TXNDC16: variants seen among roughly 807,000 people sequenced by gnomAD.
The protein encoded by TXNDC16 is thioredoxin domain-containing protein 16.
A neutral mutation model predicts 85.6 loss-of-function variants in TXNDC16; 74 were observed. The ratio of observed to expected loss-of-function variants is 0.86; its 90% CI spans 0.72 to 1.05. The LOEUF (loss-of-function observed/expected upper bound fraction) is 1.05, where lower values mean the gene tolerates loss of function less well. Among genes scored for constraint, TXNDC16 ranks in the 50% least tolerant of loss-of-function variants. The pLI is 0.00. For synonymous variants in TXNDC16, 335 were observed against 326.5 expected (o/e 1.03, Z -0.28); for missense variants, 959 against 947.0 (o/e 1.01, Z -0.17).
intron 6 of TXNDC16, among the ~76,000 whole-genome samples, chr14:52,520,260 C>T (rs946029484): frequency 1.3e-5 from 2 of 152,148 alleles, no homozygotes; most frequent in Non-Finnish European, 2.9e-5. Flanking sequence ...ATAATTCTTC[C>T]GAATCATCCT....
intron 16 of TXNDC16, among the ~76,000 whole-genome samples, chr14:52,466,254 A>T (rs1169196668): frequency 6.6e-6 from 1 of 151,708 alleles, no homozygotes; most frequent in African/African-American, 2.4e-5. Context: ...GTAGCCAGGC[A>T]TGGTGGCACA....
chr14:52,551,336 G>A (rs10143420), intron 1 of TXNDC16, among the ~76,000 whole-genome samples: 20,464 of 151,458 alleles, frequency 0.14, 1,459 homozygotes, highest in Non-Finnish European at 0.15. Flanking sequence ...AATCAGCCGG[G>A]CATGGTGGCT....
intron 9 of TXNDC16, among the ~76,000 whole-genome samples, chr14:52,504,531 G>C (rs1594737648): frequency 6.6e-6 from 1 of 152,136 alleles, no homozygotes; most frequent in South Asian, 2.1e-4. Context: ...GAGAGATTTT[G>C]TCACCACCAG....
intron 14 of TXNDC16, among the ~76,000 whole-genome samples, chr14:52,471,520 G>T (rs1269163521): frequency 2.0e-5 from 3 of 152,086 alleles, no homozygotes; most frequent in Non-Finnish European, 4.4e-5. Context: ...ATCTACATCA[G>T]GTTCCCTTGA....
chr14:52,492,162 C>T (rs1003420884), intron 9 of TXNDC16, among the ~76,000 whole-genome samples: 4 of 152,172 alleles, frequency 2.6e-5, no homozygotes, highest in Non-Finnish European at 5.9e-5. Context: ...ACAGTGTGGA[C>T]ACCATGCCGA....
chr14:52,461,205 T>C (rs2035645005), intron 16 of TXNDC16, among the ~76,000 whole-genome samples: 2 of 151,836 alleles, frequency 1.3e-5, no homozygotes, highest in African/African-American at 4.8e-5. Flanking sequence ...GTTTTAATTA[T>C]ATTATGTTAG....
At chr14:52,538,340 C>T (rs183267921) in intron 4 of TXNDC16, among the ~76,000 whole-genome samples, 1 of 152,202 alleles carries the variant, frequency 6.6e-6, no homozygotes, top group East Asian at 1.9e-4. Flanking sequence ...AAAGAATGAA[C>T]TAAGTCAATG....
intron 11 of TXNDC16, among the ~76,000 whole-genome samples, chr14:52,489,482 A>AT (rs1396390032): frequency 1.3e-5 from 2 of 152,102 alleles, no homozygotes; most frequent in Non-Finnish European, 2.9e-5. Flanking sequence ...ACATATCTTC[A>AT]TTTTTTTAAC....
Position 52,543,598 on chromosome 14 carries a change from T to C in TXNDC16, c.-41A>G. On this transcript the variant is annotated 5_prime_UTR_variant, in exon 3 of 21. Coordinates refer to ENST00000281741, the MANE Select transcript of TXNDC16 (RefSeq NM_020784.3). Reference sequence around the variant, plus strand: ...TATCTGAGCGGATTTTGTCTGTTTTTTCACTGCTGTGTTCTGTTTCCTAAG... The same window carrying C: ...TATCTGAGCGGATTTTGTCTGTTTTCTCACTGCTGTGTTCTGTTTCCTAAG... The C allele has an allele frequency of 1.9e-6, 3 of 1,608,790 alleles. No individual in the cohort carries two copies. Among genetic ancestry groups the C allele is most frequent in the Non-Finnish European group, 2.5e-6 (3 of 1,177,600 alleles).
Position 52,455,361 on chromosome 14 carries a change from A to C in TXNDC16, c.1805T>G (p.Ile602Arg). The C allele has an allele frequency of 6.2e-7, 1 of 1,613,924 alleles. No individual in the cohort carries two copies. The highest frequency in any genetic ancestry group is 1.1e-5 in the South Asian group (1 of 91,044). Reference sequence around the variant, plus strand: ...TAGTGCATCTGTTATTATTTGAACTATGTCTTGTGCATGTGTGCTAGCTAG... The same window carrying C: ...TAGTGCATCTGTTATTATTTGAACTCTGTCTTGTGCATGTGTGCTAGCTAG... ...IPLASTHAQDIVQIITDALLE... is the reference protein window; with the variant it reads ...IPLASTHAQDRVQIITDALLE... The change falls in exon 18 of 21, where the codon ATA becomes AGA. Residue 602 changes from isoleucine (I) to arginine (R), a missense_variant. Ile to Arg is a moderately conservative substitution (Grantham distance 97). Coordinates refer to ENST00000281741, the MANE Select transcript of TXNDC16 (RefSeq NM_020784.3).
At chr14:52,499,392 G>A (rs1021929424) in intron 9 of TXNDC16, among the ~76,000 whole-genome samples, 1 of 151,992 alleles carries the variant, frequency 6.6e-6, no homozygotes, top group Non-Finnish European at 1.5e-5. Context: ...GAGATAAAGA[G>A]TTAACATACA....
At chr14:52,454,969 A>C (rs1229015644) in intron 18 of TXNDC16, among the ~76,000 whole-genome samples, 10 of 152,222 alleles carry the variant, frequency 6.6e-5, no homozygotes, top group Admixed American at 6.5e-4. Flanking sequence ...TGCATGCAGA[A>C]ACCGAAGAAC....
intron 9 of TXNDC16, among the ~76,000 whole-genome samples, chr14:52,501,247 T>A (rs1228195163): frequency 1.3e-5 from 2 of 152,046 alleles, no homozygotes; most frequent in African/African-American, 4.8e-5. Context: ...GGTGTCCAAG[T>A]ACCCTGTTTA....
At chr14:52,438,060 T>G (rs1183839225) in intron 20 of TXNDC16, among the ~76,000 whole-genome samples, 1 of 152,186 alleles carries the variant, frequency 6.6e-6, no homozygotes, top group African/African-American at 2.4e-5. Context: ...ACTAAATTGC[T>G]GCAATCTTAT....
At chr14:52,495,696 G>A (rs139152523) in intron 9 of TXNDC16, among the ~76,000 whole-genome samples, 115 of 152,258 alleles carry the variant, frequency 7.6e-4, no homozygotes, top group African/African-American at 2.7e-3. Context: ...TCACTTCCAT[G>A]TGTAAAATAC....
chr14:52,488,356 A>C lies in TXNDC16; in HGVS notation c.1108+7T>G, dbSNP rs773185894. On this transcript the variant is annotated splice_region_variant and intron_variant, in intron 12 of 20. Coordinates refer to ENST00000281741, the MANE Select transcript of TXNDC16 (RefSeq NM_020784.3). Reference sequence around the variant, plus strand: ...ATGGGGAAGGGGTGAGAATCATAACACATTACCTATATCTGGACCTTCCAT... The same window carrying C: ...ATGGGGAAGGGGTGAGAATCATAACCCATTACCTATATCTGGACCTTCCAT... The C allele has an allele frequency of 2.7e-5, 44 of 1,612,750 alleles. No homozygotes were observed. Among genetic ancestry groups the C allele is most frequent in the Middle Eastern group, 1.7e-4 (1 of 6,030 alleles).
chr14:52,522,132 C>T (rs1345847444), intron 6 of TXNDC16, among the ~76,000 whole-genome samples: 1 of 152,126 alleles, frequency 6.6e-6, no homozygotes, highest in Admixed American at 6.5e-5. Flanking sequence ...ATTGGACTAC[C>T]ATGTAAATTC....
At chr14:52,509,602 C>G (rs2140180392) in intron 9 of TXNDC16, among the ~76,000 whole-genome samples, 1 of 151,716 alleles carries the variant, frequency 6.6e-6, no homozygotes, top group African/African-American at 2.4e-5. Context: ...TGTAACAAAC[C>G]TGCATGTTGT....
At chr14:52,482,020 T>C (rs891231441) in intron 14 of TXNDC16, among the ~76,000 whole-genome samples, 1 of 152,172 alleles carries the variant, frequency 6.6e-6, no homozygotes, top group Admixed American at 6.5e-5. Flanking sequence ...ATAGGCTTTC[T>C]ACTTTCTACT....
Sources: allele counts gnomAD v4.1 joint callset (sites outside exome capture counted in the v4.1 genomes callset), GRCh38; gene constraint gnomAD v4.1.1; transcripts MANE v1.5; gene names NCBI Gene and HGNC (gene_info 2026-07-23, HGNC 2026-07-21).